The following NR1D2 variants were observed in gnomAD, a reference collection of about 807,000 sequenced individuals.
NR1D2 encodes the protein V-erbA-related protein 1-related.
In NR1D2, 25 loss-of-function variants were observed where a neutral mutation model predicts 52.2. The ratio of observed to expected loss-of-function variants is 0.48; its 90% CI spans 0.35 to 0.67. The LOEUF (loss-of-function observed/expected upper bound fraction) is 0.67. NR1D2 is among the 30% of genes least tolerant of loss of function. The pLI is 0.01. For synonymous variants in NR1D2, 259 were observed against 230.1 expected (o/e 1.13, Z -1.14); for missense variants, 681 against 707.2 (o/e 0.96, Z 0.42).
chr3:23,969,274 C>T (rs930494330), intron 7 of NR1D2, among the ~76,000 whole-genome samples: 21 of 151,658 alleles, frequency 1.4e-4, no homozygotes, highest in Non-Finnish European at 5.9e-5. Context: ...GGTGACAGAG[C>T]GAGACTCCGT....
intron 4 of NR1D2, among the ~76,000 whole-genome samples, chr3:23,960,131 G>A (rs935494236): frequency 2.0e-5 from 3 of 151,804 alleles, no homozygotes; most frequent in Non-Finnish European, 4.4e-5. Flanking sequence ...TTATATGGCC[G>A]GGCATGGTGG....
At chr3:23,965,554 T>C (rs1042761369) in intron 6 of NR1D2, among the ~76,000 whole-genome samples, 24 of 152,060 alleles carry the variant, frequency 1.6e-4, no homozygotes, top group African/African-American at 5.6e-4. Flanking sequence ...GGCAGATGTT[T>C]TCATTCTTTT....
At position 23,980,032 on chromosome 3, in the gene NR1D2, A is replaced by C. The variant is rs1228734510; in HGVS notation, c.*2613A>C. On this transcript the variant is annotated 3_prime_UTR_variant, in exon 8 of 8. Coordinates refer to ENST00000312521, the MANE Select transcript of NR1D2 (RefSeq NM_005126.5). ...AGTTGATAGAAATAGCTGAGGGGAA[A>C]AGGGGGAACATCTTGGGATGAAGCT... is the stretch of plus-strand genomic sequence containing the variant. 4.6e-5 allele frequency: 7 copies of C among 152,122 alleles called. No individual in the cohort carries two copies. The highest frequency in any genetic ancestry group is 7.4e-5 in the Non-Finnish European group (5 of 67,966). The allele number at this position is 152,122 out of a possible 1,614,324, so 9.4% of individuals were successfully genotyped here.
At chr3:23,970,152 G>T (rs549684280) in intron 7 of NR1D2, among the ~76,000 whole-genome samples, 1 of 152,224 alleles carries the variant, frequency 6.6e-6, no homozygotes, top group African/African-American at 2.4e-5. Context: ...TTTTATTGTG[G>T]TGGGCAGATT....
At chr3:23,960,151 G>A (rs1448734814) in intron 4 of NR1D2, among the ~76,000 whole-genome samples, 2 of 152,076 alleles carry the variant, frequency 1.3e-5, no homozygotes, top group Non-Finnish European at 2.9e-5. Flanking sequence ...GCTCACGCCC[G>A]TAATCCCAAC....
At position 23,973,171 on chromosome 3, in the gene NR1D2, T is replaced by G. The variant is rs570269371; in HGVS notation, c.1544-4052T>G. On this transcript the variant is annotated intron_variant, in intron 7 of 7. Transcript: ENST00000312521. ...GGGATTACTGTCATTCTTTCTCAGT[T>G]TTCGGTATTATAAATTACTAATCAT... Among the ~76,000 whole-genome samples, 20 of 152,338 alleles carry G rather than the reference T, an allele frequency of 1.3e-4. No individual in the cohort carries two copies. In the East Asian group the frequency reaches 3.5e-3, roughly 26 times the overall value.
Position 23,945,679 on chromosome 3 carries a change from G to T in NR1D2, c.16+85G>T, listed in dbSNP as rs1461343431. On this transcript the variant is annotated intron_variant, in intron 1 of 7. Transcript: ENST00000312521. ...GCACTTTGGGGGGCGGCGGCAGGGG[G>T]TGTCCCCATGGCCGGTGGGGCGGGG... 58 of 874,128 alleles carry T rather than the reference G, an allele frequency of 6.6e-5. No homozygotes were observed. The African/African-American group carries it at 6.6e-4, about 10-fold the overall frequency. 54.1% of individuals were successfully genotyped at this position (874,128 alleles called of 1,614,324 possible). A position where few individuals can be genotyped will look rare whatever the true frequency, so the allele number is the denominator to read the frequency against.
intron 5 of NR1D2, chr3:23,963,229 T>C: frequency 7.5e-7 from 1 of 1,335,886 alleles, no homozygotes; most frequent in Non-Finnish European, 9.9e-7. Context: ...CAAAGTACAG[T>C]GTTCATATTC....
At chr3:23,966,668 G>A (rs1199865527) in intron 6 of NR1D2, among the ~76,000 whole-genome samples, 6 of 152,180 alleles carry the variant, frequency 3.9e-5, no homozygotes, top group Non-Finnish European at 7.4e-5. Flanking sequence ...TTTGCCATGA[G>A]TGGCTAGAAT....
chr3:23,970,038 G>A (rs981306050), intron 7 of NR1D2, among the ~76,000 whole-genome samples: 1 of 152,184 alleles, frequency 6.6e-6, no homozygotes, highest in African/African-American at 2.4e-5. Flanking sequence ...AGAACTAAGC[G>A]GGGAGATTTT....
chr3:23,959,695 C>T lies in NR1D2; in HGVS notation c.397C>T (p.Gln133Ter). Residue 133 changes from glutamine (Q) to a stop codon, truncating the protein, a stop_gained, in exon 4 of 8, where the codon CAA becomes TAA. Transcript: ENST00000312521. LOFTEE classifies it high-confidence loss of function. Reference protein sequence around the residue: ...CKGFFRRSIQQNIQYKKCLKN... With the variant: ...CKGFFRRSIQ ...GGGTTTCTTTCGGAGAAGTATTCAA[C>T]AAAACATCCAGTACAAGAAGTGCCT... The T allele has an allele frequency of 6.2e-7, 1 of 1,611,862 alleles. No homozygotes were observed. Among genetic ancestry groups the T allele is most frequent in the Non-Finnish European group, 8.5e-7 (1 of 1,179,372 alleles).
intron 1 of NR1D2, among the ~76,000 whole-genome samples, chr3:23,951,195 G>T (rs1336716874): frequency 6.6e-6 from 1 of 152,164 alleles, no homozygotes; most frequent in African/African-American, 2.4e-5. Context: ...GTGAGCCACT[G>T]TGCCCGGCCA....
intron 4 of NR1D2, among the ~76,000 whole-genome samples, chr3:23,960,078 C>T (rs1706196959): frequency 6.6e-6 from 1 of 152,110 alleles, no homozygotes; most frequent in Non-Finnish European, 1.5e-5. Flanking sequence ...AATTTGATTA[C>T]TTTTTATTTT....
intron 1 of NR1D2, among the ~76,000 whole-genome samples, chr3:23,947,798 T>G (rs1478674907): frequency 1.3e-5 from 2 of 151,942 alleles, no homozygotes; most frequent in African/African-American, 2.4e-5. Flanking sequence ...CTGCTATCTA[T>G]CAGTAAGCAG....
Position 23,977,537 on chromosome 3 carries a change from G to T in NR1D2, c.*118G>T. ...AAGACCTTTAAGACAATAAAAGATT[G>T]TAGGCTATCTCTGTAATCATGCAAT... On this transcript the variant is annotated 3_prime_UTR_variant, in exon 8 of 8. Transcript: ENST00000312521. The T allele has an allele frequency of 1.6e-6, 1 of 607,146 alleles. No homozygotes were observed. Among genetic ancestry groups the T allele is most frequent in the Non-Finnish European group, 2.6e-6 (1 of 378,026 alleles). The allele number at this position is 607,146 out of a possible 1,614,324, so 37.6% of individuals were successfully genotyped here. A position where few individuals can be genotyped will look rare whatever the true frequency, so the allele number is the denominator to read the frequency against.
At chr3:23,959,891 T>A in intron 4 of NR1D2, 76 bp downstream of exon 4, 2 of 1,400,294 alleles carry the variant, frequency 1.4e-6, no homozygotes, top group Non-Finnish European at 1.9e-6. Flanking sequence ...ACCAGAGCTA[T>A]AAACCGGTTA....
intron 1 of NR1D2, among the ~76,000 whole-genome samples, chr3:23,948,822 T>C (rs1705848308): frequency 6.6e-6 from 1 of 152,230 alleles, no homozygotes; most frequent in Non-Finnish European, 1.5e-5. Context: ...TATTTGAAGA[T>C]TTATACGCAA....
chr3:23,948,024 G>A (rs1209216739), intron 1 of NR1D2, among the ~76,000 whole-genome samples: 2 of 151,790 alleles, frequency 1.3e-5, no homozygotes, highest in East Asian at 3.9e-4. Context: ...AGGCTGAGCA[G>A]CAGAATAGCT....
At chr3:23,973,874 CTG>C (rs1427726002) in intron 7 of NR1D2, among the ~76,000 whole-genome samples, 2 of 151,958 alleles carry the variant, frequency 1.3e-5, no homozygotes, top group South Asian at 2.1e-4. Context: ...TTGTTAAAAA[CTG>C]TGACAGACAC....
Sources: gnomAD v4.1 joint callset for allele counts (sites outside exome capture counted in the v4.1 genomes callset) on GRCh38, gnomAD v4.1.1 for gene constraint, MANE v1.5 for transcripts, NCBI Gene and HGNC (gene_info 2026-07-23, HGNC 2026-07-21) for gene names.